The following SLC4A10 variants were observed in gnomAD, a reference collection of about 807,000 sequenced individuals.
SLC4A10 encodes solute carrier family 4 member 10.
Under a neutral mutation model 137.7 loss-of-function variants are expected in SLC4A10, and 42 were observed. That is an observed-to-expected ratio of 0.30 (90% CI 0.24 to 0.39). The LOEUF is 0.39. Among genes scored for constraint, SLC4A10 ranks in the 10% least tolerant of loss-of-function variants. The pLI is 1.00. For missense variants in SLC4A10, 925 were observed against 1,355.0 expected (o/e 0.68, Z 4.98); for synonymous variants, 474 against 464.1 (o/e 1.02, Z -0.27).
At chr2:161,802,285 T>G (rs2055453456) in intron 2 of SLC4A10, among the ~76,000 whole-genome samples, 1 of 152,070 alleles carries the variant, frequency 6.6e-6, no homozygotes, top group African/African-American at 2.4e-5. Flanking sequence ...TTTCCAGCAA[T>G]AGAGGAATAA....
chr2:161,780,085 C>T (rs1158199053), intron 2 of SLC4A10, among the ~76,000 whole-genome samples: 1 of 151,852 alleles, frequency 6.6e-6, no homozygotes, highest in African/African-American at 2.4e-5. Flanking sequence ...ATTTTTATTG[C>T]CAGTGCATAT....
intron 6 of SLC4A10, 120 bp downstream of exon 6, chr2:161,863,182 T>C (rs1376502174): frequency 2.1e-6 from 2 of 972,160 alleles, no homozygotes; most frequent in Non-Finnish European, 2.9e-6. Flanking sequence ...CAGATTATTG[T>C]AGAATTCTTT....
chr2:161,707,403 A>G (rs1309121376), intron 1 of SLC4A10, among the ~76,000 whole-genome samples: 3 of 151,368 alleles, frequency 2.0e-5, no homozygotes, highest in Non-Finnish European at 4.4e-5. Context: ...CTGTTTCAGG[A>G]TAATATGTTG....
chr2:161,912,304 G>A (rs1686050965), intron 15 of SLC4A10, among the ~76,000 whole-genome samples: 1 of 152,104 alleles, frequency 6.6e-6, no homozygotes, highest in Non-Finnish European at 1.5e-5. Flanking sequence ...CGAGTGCTAA[G>A]CAGGTAACAG....
intron 1 of SLC4A10, among the ~76,000 whole-genome samples, chr2:161,728,797 A>G (rs1378692987): frequency 1.3e-5 from 2 of 152,220 alleles, no homozygotes; most frequent in East Asian, 3.8e-4. Context: ...ATCAACGCAG[A>G]TATCTTCAAC....
chr2:161,947,862 GC>G, intron 17 of SLC4A10, 135 bp downstream of exon 17: 1 of 973,676 alleles, frequency 1.0e-6, no homozygotes, highest in Non-Finnish European at 1.5e-6. Flanking sequence ...GAGATGAGGG[GC>G]TGAAGAGAAA....
intron 1 of SLC4A10, among the ~76,000 whole-genome samples, chr2:161,767,125 ATATATATATATATATGTG>A (rs1285491134): frequency 2.5e-5 from 2 of 80,574 alleles, no homozygotes; most frequent in African/African-American, 1.1e-4. Flanking sequence ...ATATATATAT[ATATATATATATATATGTG>A]TGTGTGTGTG....
chr2:161,704,408 A>G (rs2043439971), intron 1 of SLC4A10, among the ~76,000 whole-genome samples: 1 of 151,710 alleles, frequency 6.6e-6, no homozygotes, highest in South Asian at 2.1e-4. Flanking sequence ...AAATTAGACC[A>G]GAAATATGAG....
chr2:161,932,205 T>G (rs1009593098), intron 15 of SLC4A10, among the ~76,000 whole-genome samples: 6 of 152,188 alleles, frequency 3.9e-5, no homozygotes, highest in African/African-American at 1.2e-4. Flanking sequence ...AGACTGAGGT[T>G]GGCAGGTTCA....
rs116723350 is a variant in SLC4A10 at position 161,659,936 on chromosome 2, A to G, written c.48+35370A>G. On this transcript the variant is annotated intron_variant, in intron 1 of 26. Transcript: ENST00000446997. ...AATATTGTGTGATTCAATTTATATGAAATGTCCAGATTAGGCAAATCCATA... is the reference window on the plus strand; with the variant it reads ...AATATTGTGTGATTCAATTTATATGGAATGTCCAGATTAGGCAAATCCATA... 5.6e-3 allele frequency among the ~76,000 whole-genome samples: 851 copies of G among 152,206 alleles called. 5 individuals carry two copies. The highest frequency in any genetic ancestry group is 0.02 in the African/African-American group (816 of 41,532).
chr2:161,678,295 A>T (rs2040478431), intron 1 of SLC4A10, among the ~76,000 whole-genome samples: 1 of 152,110 alleles, frequency 6.6e-6, no homozygotes, highest in African/African-American at 2.4e-5. Flanking sequence ...GAGATAAACA[A>T]AATGCTTTGC....
intron 1 of SLC4A10, among the ~76,000 whole-genome samples, chr2:161,735,112 G>A (rs2047208805): frequency 6.7e-6 from 1 of 149,934 alleles, no homozygotes; most frequent in Non-Finnish European, 1.5e-5. Flanking sequence ...GTATCAGGTA[G>A]TATCTTTATA....
At chr2:161,817,658 A>G (rs1411694142) in intron 3 of SLC4A10, among the ~76,000 whole-genome samples, 1 of 152,142 alleles carries the variant, frequency 6.6e-6, no homozygotes, top group African/African-American at 2.4e-5. Context: ...ATTTTTGTAT[A>G]TGGTGTAAGG....
At chr2:161,722,815 C>T (rs2045830895) in intron 1 of SLC4A10, among the ~76,000 whole-genome samples, 1 of 152,192 alleles carries the variant, frequency 6.6e-6, no homozygotes, top group South Asian at 2.1e-4. Flanking sequence ...TCCTCTCCTC[C>T]CCACAGGGCC....
chr2:161,932,468 T>A (rs1690577659), intron 15 of SLC4A10, among the ~76,000 whole-genome samples: 1 of 152,210 alleles, frequency 6.6e-6, no homozygotes, highest in Non-Finnish European at 1.5e-5. Context: ...CTCATCTCAT[T>A]TCAGACTATG....
At chr2:161,927,378 C>T (rs578139208) in intron 15 of SLC4A10, among the ~76,000 whole-genome samples, 11 of 152,242 alleles carry the variant, frequency 7.2e-5, no homozygotes, top group African/African-American at 1.7e-4. Context: ...GCATTCTTTA[C>T]GTAGTTCTCA....
chr2:161,631,549 G>A (rs2033557187), intron 1 of SLC4A10, among the ~76,000 whole-genome samples: 2 of 151,542 alleles, frequency 1.3e-5, no homozygotes, highest in African/African-American at 4.8e-5. Flanking sequence ...CAGACCTAGA[G>A]GTCTTGGAAT....
At chr2:161,661,683 G>T (rs2038421024) in intron 1 of SLC4A10, among the ~76,000 whole-genome samples, 2 of 152,076 alleles carry the variant, frequency 1.3e-5, no homozygotes, top group Non-Finnish European at 2.9e-5. Context: ...ATTTGTTTAT[G>T]GATCTCTGAG....
At chr2:161,693,360 A>C (rs2042181413) in intron 1 of SLC4A10, among the ~76,000 whole-genome samples, 1 of 152,034 alleles carries the variant, frequency 6.6e-6, no homozygotes, top group Non-Finnish European at 1.5e-5. Context: ...TCAAACAAAA[A>C]TATCCTCAAA....
Sources: gnomAD v4.1 joint callset for allele counts (sites outside exome capture counted in the v4.1 genomes callset) on GRCh38, gnomAD v4.1.1 for gene constraint, MANE v1.5 for transcripts, NCBI Gene and HGNC (gene_info 2026-07-23, HGNC 2026-07-21) for gene names.